Variants in AKAP8L observed in about 807,000 individuals in gnomAD.
The protein encoded by AKAP8L is A-kinase anchor protein 8-like.
AKAP8L carries 34 observed loss-of-function variants against 77.5 expected under a neutral mutation model. The observed-to-expected ratio is 0.44, with a 90% CI of 0.33 to 0.58. AKAP8L has a LOEUF of 0.58. Ranked by LOEUF, AKAP8L falls within the 20% of genes least tolerant of loss-of-function variation. AKAP8L has a pLI of 0.02. For missense variants in AKAP8L, 806 were observed against 887.6 expected (o/e 0.91, Z 1.17); for synonymous variants, 342 against 340.7 (o/e 1.00, Z -0.04).
intron 12 of AKAP8L, among the ~76,000 whole-genome samples, chr19:15,387,028 G>A (rs1967553334): frequency 6.6e-6 from 1 of 152,214 alleles, no homozygotes; most frequent in African/African-American, 2.4e-5. Context: ...AAGCATAGCT[G>A]AGAGAGAACG....
chr19:15,380,858 A>T, intron 12 of AKAP8L: 1 of 529,566 alleles, frequency 1.9e-6, no homozygotes. Context: ...CTCTAACTTT[A>T]CGGCTGTATT....
intron 13 of AKAP8L, 21 bp downstream of exon 13, chr19:15,380,496 A>AGGCCCGGACCAGTGCC (rs762155709): frequency 3.1e-6 from 5 of 1,612,944 alleles, no homozygotes. Context: ...GGGACAGGGC[A>AGGCCCGGACCAGTGCC]GGCCCGGACC....
At chr19:15,394,667 C>T (rs1967732265) in intron 12 of AKAP8L, among the ~76,000 whole-genome samples, 1 of 152,062 alleles carries the variant, frequency 6.6e-6, no homozygotes, top group Admixed American at 6.6e-5. Flanking sequence ...CCTTGGCTTC[C>T]CAAAGTGCTG....
intron 12 of AKAP8L, chr19:15,381,754 CAACA>C (rs1967423694): frequency 6.6e-6 from 1 of 152,170 alleles, no homozygotes; most frequent in Non-Finnish European, 1.5e-5. Context: ...TCTCACTTGC[CAACA>C]GTTTATCCTC....
At chr19:15,390,739 T>C (rs1457312589) in intron 12 of AKAP8L, among the ~76,000 whole-genome samples, 15 of 152,172 alleles carry the variant, frequency 9.9e-5, no homozygotes, top group Admixed American at 9.8e-4. Flanking sequence ...AAGCAGGATA[T>C]ATCCCAGGGA....
Position 15,400,794 on chromosome 19 carries a change from C to G in AKAP8L, c.984G>C (p.Val328=), listed in dbSNP as rs1235198735. The G allele has an allele frequency of 6.2e-7, 1 of 1,613,950 alleles. No homozygotes were observed. The highest frequency in any genetic ancestry group is 1.7e-5 in the Admixed American group (1 of 60,018). The change falls in exon 7 of 14, where the codon GTG becomes GTC. Residue 328 remains valine, a splice_region_variant and synonymous_variant. Transcript: ENST00000397410. ...AAAATGCCCAGCCAGAGCCACTTAC[C>G]ACTCTGGAGCCCTTCTCCACAGCCT... ...GTEAVEKGSR[V]DGEDEEGKED...
chr19:15,388,239 T>C (rs1967581567), intron 12 of AKAP8L, among the ~76,000 whole-genome samples: 1 of 82,242 alleles, frequency 1.2e-5, no homozygotes, highest in South Asian at 4.4e-4. Flanking sequence ...GACAAGCAAA[T>C]ACAGTAACAA....
Position 15,398,738 on chromosome 19 carries a change from C to A in AKAP8L, c.1157+564G>T. The A allele has an allele frequency of 1.0e-6, 1 of 990,200 alleles. No individual in the cohort carries two copies. Among genetic ancestry groups the A allele is most frequent in the Non-Finnish European group, 1.2e-6 (1 of 833,138 alleles). The allele number at this position is 990,200 out of a possible 1,614,324, so 61.3% of individuals were successfully genotyped here. On this transcript the variant is annotated intron_variant, in intron 9 of 13. Coordinates refer to ENST00000397410, the MANE Select transcript of AKAP8L (RefSeq NM_014371.4). This position sits in a 1 kb window ranked among gnomAD's most constrained non-coding sequence, Gnocchi z 9.2. ...GTCCAGCAAGAGCAAGAGTCTGAGGCGGAGGAGGCAAGCGCCAGTGCGGGA... is the reference window on the plus strand; with the variant it reads ...GTCCAGCAAGAGCAAGAGTCTGAGGAGGAGGAGGCAAGCGCCAGTGCGGGA...
In AKAP8L at chr19:15,403,369, C is replaced by T. The variant is rs957371518; in HGVS notation, c.362+106G>A. ...TGGGAGCCACAGCAGCACCAAGCAG[C>T]GGGGAGGAAGCAGACACAGAGGGGC... is the stretch of plus-strand genomic sequence containing the variant. On this transcript the variant is annotated intron_variant, in intron 4 of 13. Transcript: ENST00000397410. This position sits in a 1 kb window ranked among gnomAD's most constrained non-coding sequence, Gnocchi z 4.3. 9 of 1,089,094 alleles carry T rather than the reference C, an allele frequency of 8.3e-6. No homozygotes were observed. The highest frequency in any genetic ancestry group is 2.8e-5 in the South Asian group (2 of 71,836). 67.5% of individuals were successfully genotyped at this position (1,089,094 alleles called of 1,614,324 possible).
In AKAP8L at chr19:15,389,137, A is replaced by C. The variant is rs560729059; in HGVS notation, c.1536+8013T>G. Among the ~76,000 whole-genome samples the C allele has an allele frequency of 2.9e-4, 43 of 149,804 alleles. No homozygotes were observed. The East Asian group carries it at 8.6e-3, about 30-fold the overall frequency. ...CTACTTGGGAGGCTGAGGCAGGAGA[A>C]TGGCATGAACCCAGGAGGCGGAGCT... On this transcript the variant is annotated intron_variant, in intron 12 of 13. Transcript: ENST00000397410.
intron 12 of AKAP8L, among the ~76,000 whole-genome samples, chr19:15,382,428 C>T (rs1009558150): frequency 2.6e-5 from 4 of 152,046 alleles, no homozygotes; most frequent in Non-Finnish European, 4.4e-5. Context: ...GTCTTGAGCT[C>T]CTGAGCTCAG....
chr19:15,385,554 G>A (rs1967516888), intron 12 of AKAP8L, among the ~76,000 whole-genome samples: 2 of 152,236 alleles, frequency 1.3e-5, no homozygotes, highest in Non-Finnish European at 1.5e-5. Context: ...ATCATACATA[G>A]GGATCACTAC....
chr19:15,401,061 G>GA lies in AKAP8L; in HGVS notation c.817-19dup, dbSNP rs1415393784. On this transcript the variant is annotated intron_variant, in intron 5 of 13. Transcript: ENST00000397410. This position sits in a 1 kb window ranked among gnomAD's most constrained non-coding sequence, Gnocchi z 6.2. Reference sequence around the variant, plus strand: ...TTCTTGGTCTGGGTCATAAGGGGGGGAAGCCGTGTCAGGGTGCATGGCACC... The same window carrying GA: ...TTCTTGGTCTGGGTCATAAGGGGGGGAAAGCCGTGTCAGGGTGCATGGCACC... The GA allele has an allele frequency of 6.2e-7, 1 of 1,610,780 alleles. No individual in the cohort carries two copies. The highest frequency in any genetic ancestry group is 8.5e-7 in the Non-Finnish European group (1 of 1,179,846).
In AKAP8L at chr19:15,397,327, T is replaced by G; in HGVS notation, c.1406-47A>C. 6.2e-7 allele frequency: 1 copy of G among 1,607,394 alleles called. No individual in the cohort carries two copies. Reference sequence around the variant, plus strand: ...CACCACTGGGCCCAGGTGCCTAAGATAGACCCAGGTGTTCGAGAAAAAAAC... The same window carrying G: ...CACCACTGGGCCCAGGTGCCTAAGAGAGACCCAGGTGTTCGAGAAAAAAAC... On this transcript the variant is annotated intron_variant, in intron 11 of 13. Transcript: ENST00000397410. This position sits in a 1 kb window ranked among gnomAD's most constrained non-coding sequence, Gnocchi z 4.7.
intron 1 of AKAP8L, among the ~76,000 whole-genome samples, chr19:15,418,004 ATCT>A (rs1224428370): frequency 3.9e-5 from 6 of 152,190 alleles, no homozygotes; most frequent in Non-Finnish European, 8.8e-5. Flanking sequence ...TCCCTGGCTG[ATCT>A]TCTAACAAGC....
In AKAP8L at chr19:15,380,301, G is replaced by A; in HGVS notation, c.1762C>T (p.Gln588Ter). Residue 588 changes from glutamine (Q) to a stop codon, truncating the protein, a stop_gained, in exon 14 of 14, where the codon CAG (glutamine) becomes TAG (stop). Transcript: ENST00000397410. LOFTEE classifies it high-confidence loss of function. Reference sequence around the variant, plus strand: ...GCTGGCTCTGGGGGCACGGGAGGCTGCGCCGGCACGCCCTCTGCGCCCTCC... The same window carrying A: ...GCTGGCTCTGGGGGCACGGGAGGCTACGCCGGCACGCCCTCTGCGCCCTCC... The part of the protein sequence containing the change: ...ISEGAEGVPA[Q>*]PPVPPEPAPG... The A allele has an allele frequency of 6.5e-7, 1 of 1,530,166 alleles. No individual in the cohort carries two copies. The highest frequency in any genetic ancestry group is 8.7e-7 in the Non-Finnish European group (1 of 1,144,752). The allele number at this position is 1,530,166 out of a possible 1,614,324, so 94.8% of individuals were successfully genotyped here. A position where few individuals can be genotyped will look rare whatever the true frequency, so the allele number is the denominator to read the frequency against.
Position 15,401,252 on chromosome 19 carries a change from A to C in AKAP8L, c.714T>G (p.Gly238=). ...PEYGMFQGMR[G]GGAFPGGSRF... The stretch of plus-strand genomic sequence containing the variant: ...GGGAGCCGCCCGGGAAGGCGCCCCC[A>C]CCTCGCATGCCCTGGAACATGCCGT... Residue 238 remains glycine, a synonymous_variant, in exon 5 of 14, where the codon GGT becomes GGG. Transcript: ENST00000397410. The surrounding 1 kb of genome is among the most constrained non-coding windows in gnomAD (Gnocchi z 6.2). The C allele has an allele frequency of 1.2e-6, 2 of 1,613,614 alleles. No individual in the cohort carries two copies. Among genetic ancestry groups the C allele is most frequent in the South Asian group, 1.1e-5 (1 of 91,082 alleles).
chr19:15,413,778 G>C (rs573793168), intron 1 of AKAP8L, among the ~76,000 whole-genome samples: 2 of 152,340 alleles, frequency 1.3e-5, no homozygotes, highest in South Asian at 4.1e-4. Context: ...TTTAGGTAAT[G>C]TGATCTGTGA....
chr19:15,410,467 A>G, intron 2 of AKAP8L, 53 bp downstream of exon 2: 1 of 1,475,436 alleles, frequency 6.8e-7, no homozygotes, highest in Non-Finnish European at 9.3e-7. Context: ...AACTAAGAAG[A>G]CAAGGAACTG....
Sources: gnomAD v4.1 joint callset for allele counts (sites outside exome capture counted in the v4.1 genomes callset) on GRCh38, gnomAD v4.1.1 for gene constraint, Gnocchi (gnomAD v3.1) non-coding constraint, MANE v1.5 for transcripts, NCBI Gene and HGNC (gene_info 2026-07-23, HGNC 2026-07-21) for gene names.